Variants in MIB1 observed in about 807,000 individuals in gnomAD.
The protein encoded by MIB1 is E3 ubiquitin-protein ligase MIB1.
In MIB1, 278 loss-of-function variants were observed where a neutral mutation model predicts 124.5. The ratio of observed to expected loss-of-function variants is 2.23; its 90% confidence interval spans 2.02 to 2.47. The LOEUF (loss-of-function observed/expected upper bound fraction) is 2.47. MIB1 is among the 30% of genes most tolerant of loss of function. The pLI, the probability that MIB1 is intolerant of heterozygous loss-of-function variation, is 0.00. For synonymous variants in MIB1, 446 were observed against 429.4 expected (o/e 1.04, Z -0.48); for missense variants, 957 against 1,254.4 (o/e 0.76, Z 3.58).
chr18:21,738,551 T>C (rs150944897), upstream of MIB1, among the ~76,000 whole-genome samples: 222 of 151,970 alleles, frequency 1.5e-3, 3 homozygotes, highest in African/African-American at 5.1e-3. Context: ...CTCACGCCTG[T>C]AATCCCAGCA....
chr18:21,808,703 GTA>G (rs1216775445), intron 10 of MIB1, among the ~76,000 whole-genome samples: 1 of 152,024 alleles, frequency 6.6e-6, no homozygotes, highest in East Asian at 1.9e-4. Context: ...CTTCTTTAAC[GTA>G]TAGGTAAAGG....
At chr18:21,786,158 A>ACGATCTCGGCT (rs1163418691) in intron 6 of MIB1, among the ~76,000 whole-genome samples, 1 of 151,668 alleles carries the variant, frequency 6.6e-6, no homozygotes, top group Non-Finnish European at 1.5e-5. Context: ...GTGCAGTGGC[A>ACGATCTCGGCT]CGATCTCGGC....
At chr18:21,757,650 G>A (rs2146395694) in intron 1 of MIB1, among the ~76,000 whole-genome samples, 1 of 150,026 alleles carries the variant, frequency 6.7e-6, no homozygotes, top group East Asian at 2.0e-4. Context: ...ACGCCCGGCT[G>A]CTTTTTTGTG....
At chr18:21,817,142 G>C (rs189982184) in intron 11 of MIB1, among the ~76,000 whole-genome samples, 1 of 149,546 alleles carries the variant, frequency 6.7e-6, no homozygotes, top group Non-Finnish European at 1.5e-5. Context: ...GATTGAACTT[G>C]GGTTAGGAAT....
intron 1 of MIB1, among the ~76,000 whole-genome samples, chr18:21,750,427 A>T (rs1358223692): frequency 2.0e-5 from 3 of 152,224 alleles, no homozygotes; most frequent in Non-Finnish European, 4.4e-5. Flanking sequence ...TCTCGGGTTC[A>T]TGCCATTCTG....
chr18:21,826,980 T>C (rs1317869287), intron 12 of MIB1: 2 of 152,148 alleles, frequency 1.3e-5, no homozygotes, highest in Non-Finnish European at 2.9e-5. Flanking sequence ...GCAATAATAC[T>C]GGCTTCTATT....
intron 1 of MIB1, among the ~76,000 whole-genome samples, chr18:21,754,697 G>A (rs986577878): frequency 2.0e-5 from 3 of 152,114 alleles, no homozygotes; most frequent in African/African-American, 7.2e-5. Flanking sequence ...GTAATGAACC[G>A]TCTATCCATG....
intron 20 of MIB1, among the ~76,000 whole-genome samples, chr18:21,861,231 G>C (rs1482652828): frequency 6.6e-6 from 1 of 151,794 alleles, no homozygotes; most frequent in Non-Finnish European, 1.5e-5. Flanking sequence ...GGACATATTT[G>C]GCTAGTTCTA....
intron 1 of MIB1, among the ~76,000 whole-genome samples, chr18:21,731,642 G>A (rs1006924884): frequency 3.4e-5 from 5 of 149,050 alleles, no homozygotes; most frequent in African/African-American, 1.2e-4. Context: ...TGAGGCAGGA[G>A]AATGGCGTGA....
At chr18:21,839,576 C>T (rs908533768) in intron 13 of MIB1, among the ~76,000 whole-genome samples, 3 of 152,200 alleles carry the variant, frequency 2.0e-5, no homozygotes, top group Non-Finnish European at 4.4e-5. Flanking sequence ...ACAATCATGG[C>T]TCACTGCAGC....
chr18:21,859,582 T>C (rs1176437708), intron 20 of MIB1, among the ~76,000 whole-genome samples: 4 of 151,790 alleles, frequency 2.6e-5, no homozygotes, highest in African/African-American at 7.3e-5. Flanking sequence ...CATTTCTATA[T>C]ACATGTGATA....
At chr18:21,807,908 C>T (rs1347455790) in intron 10 of MIB1, among the ~76,000 whole-genome samples, 1 of 152,074 alleles carries the variant, frequency 6.6e-6, no homozygotes, top group Non-Finnish European at 1.5e-5. Flanking sequence ...GTACCCATTG[C>T]CCCACTTCAA....
chr18:21,830,045 G>GA (rs1227718938), intron 12 of MIB1, among the ~76,000 whole-genome samples: 2 of 151,578 alleles, frequency 1.3e-5, no homozygotes. Context: ...GTCAAAGGAG[G>GA]AAAAAAAAGG....
At chr18:21,772,487 T>G (rs2041234115) in intron 3 of MIB1, among the ~76,000 whole-genome samples, 1 of 152,188 alleles carries the variant, frequency 6.6e-6, no homozygotes, top group Non-Finnish European at 1.5e-5. Flanking sequence ...ACTGACATGG[T>G]GCTCAAAGGA....
intron 12 of MIB1, among the ~76,000 whole-genome samples, chr18:21,824,284 A>G (rs1222059176): frequency 2.0e-5 from 3 of 152,204 alleles, no homozygotes; most frequent in Non-Finnish European, 4.4e-5. Context: ...ACAAAGACAC[A>G]TATTACAAAT....
At chr18:21,854,498 A>G (rs2042208936) in intron 18 of MIB1, 2 of 154,038 alleles carry the variant, frequency 1.3e-5, no homozygotes, top group African/African-American at 4.8e-5. Flanking sequence ...TGAGACTTGA[A>G]AGATGATTAT....
At chr18:21,791,323 A>T (rs368650024) in intron 6 of MIB1, 51 bp from the exon 7 acceptor site, 4 of 1,447,560 alleles carry the variant, frequency 2.8e-6, no homozygotes, top group Non-Finnish European at 3.7e-6. Flanking sequence ...AGAATTTTGT[A>T]TTAAAATTAA....
upstream of MIB1, among the ~76,000 whole-genome samples, chr18:21,740,544 T>C (rs766303451): frequency 6.6e-6 from 1 of 152,254 alleles, no homozygotes; most frequent in Non-Finnish European, 1.5e-5. Flanking sequence ...CTAGGAAAAC[T>C]AGCAGTTAGT....
chr18:21,768,616 T>A lies in MIB1; in HGVS notation c.402-7T>A. On this transcript the variant is annotated splice_polypyrimidine_tract_variant and splice_region_variant and intron_variant, in intron 2 of 20. Transcript: ENST00000261537. ...ATAAACTTGAAAATAAATAATTTTA[T>A]TTTTAGGGTTCTGTTAGAGTCTCGT... is the stretch of plus-strand genomic sequence containing the variant. The A allele has an allele frequency of 6.6e-7, 1 of 1,516,754 alleles. No individual in the cohort carries two copies. The highest frequency in any genetic ancestry group is 8.9e-7 in the Non-Finnish European group (1 of 1,126,168). The allele number at this position is 1,516,754 out of a possible 1,614,324, so 94.0% of individuals were successfully genotyped here.
Sources: gnomAD v4.1 joint callset for allele counts (sites outside exome capture counted in the v4.1 genomes callset) on GRCh38, gnomAD v4.1.1 for gene constraint, MANE v1.5 for transcripts, NCBI Gene and HGNC (gene_info 2026-07-23, HGNC 2026-07-21) for gene names.